POLRMT: variants seen among roughly 807,000 people sequenced by gnomAD.
The protein encoded by POLRMT is DNA-directed RNA polymerase, mitochondrial.
In POLRMT, 114 loss-of-function variants were observed where a neutral mutation model predicts 132.2. That is an observed-to-expected ratio of 0.86 (90% CI 0.74 to 1.01). POLRMT has a LOEUF of 1.01. POLRMT is among the 50% of genes least tolerant of loss of function. The pLI is 0.00. For synonymous variants in POLRMT, 1,020 were observed against 773.4 expected (o/e 1.32, Z -5.29); for missense variants, 2,003 against 1,729.1 (o/e 1.16, Z -2.81).
At position 618,845 on chromosome 19, in the gene POLRMT, G is replaced by A. The variant is rs185265058; in HGVS notation, c.3268-85C>T. 324 of 1,465,074 alleles carry A rather than the reference G, an allele frequency of 2.2e-4. 1 individual carries two copies. Among genetic ancestry groups the A allele is most frequent in the African/African-American group, 1.9e-3 (132 of 71,326 alleles). 90.8% of individuals were successfully genotyped at this position (1,465,074 alleles called of 1,614,324 possible). Reference sequence around the variant, plus strand: ...GAGGTGGTGGTACACTGGGGTAGTGGCACGCTAGGATGGTGGCACACTGGC... The same window carrying A: ...GAGGTGGTGGTACACTGGGGTAGTGACACGCTAGGATGGTGGCACACTGGC... On this transcript the variant is annotated intron_variant, in intron 15 of 20. Coordinates refer to ENST00000588649, the MANE Select transcript of POLRMT (RefSeq NM_005035.4).
intron 2 of POLRMT, among the ~76,000 whole-genome samples, chr19:630,776 C>A (rs1451842730): frequency 6.6e-6 from 1 of 152,244 alleles, no homozygotes; most frequent in Admixed American, 6.5e-5. Flanking sequence ...AGGGAAAACG[C>A]GGCTCCTGCT....
chr19:632,232 G>A (rs1043336410), intron 2 of POLRMT, among the ~76,000 whole-genome samples: 2 of 149,680 alleles, frequency 1.3e-5, no homozygotes, highest in Non-Finnish European at 3.0e-5. Flanking sequence ...ACCGCACCTG[G>A]CCAGGTTTTT....
At chr19:618,894 GCGGTGGT>G in intron 15 of POLRMT, 96 bp downstream of exon 15, 1 of 1,355,284 alleles carries the variant, frequency 7.4e-7, no homozygotes, top group Non-Finnish European at 1.0e-6. Flanking sequence ...GCACACTGGG[GCGGTGGT>G]ACACTGGGGT....
In POLRMT at chr19:630,284, A is replaced by G. The variant is rs369023874; in HGVS notation, c.194-116T>C. 34 of 1,246,098 alleles carry G rather than the reference A, an allele frequency of 2.7e-5. No homozygotes were observed. In the East Asian group the frequency reaches 4.8e-4, roughly 18 times the overall value. 77.2% of individuals were successfully genotyped at this position (1,246,098 alleles called of 1,614,324 possible). ...AGGTGGCTGAGCTCGCTGGGACCCA[A>G]GGCGTGAATTCCTCATACTTGCCAA... On this transcript the variant is annotated intron_variant, in intron 2 of 20. Transcript: ENST00000588649.
At position 617,850 on chromosome 19, in the gene POLRMT, C is replaced by A. The variant is rs1456401899; in HGVS notation, c.3423-1G>T. 1 of 1,612,944 alleles carries A rather than the reference C, an allele frequency of 6.2e-7. No homozygotes were observed. Among genetic ancestry groups the A allele is most frequent in the African/African-American group, 1.3e-5 (1 of 74,896 alleles). On this transcript the variant is annotated splice_acceptor_variant, in intron 17 of 20. Coordinates refer to ENST00000588649, the MANE Select transcript of POLRMT (RefSeq NM_005035.4). LOFTEE classifies it high-confidence loss of function. The stretch of plus-strand genomic sequence containing the variant: ...CACAGAGACGAAGGTCAGGCCCTTC[C>A]TGTGGCAGAGCGGAGGACTCCTGAA...
chr19:624,499 G>T (rs916345356), intron 5 of POLRMT, among the ~76,000 whole-genome samples: 9 of 152,000 alleles, frequency 5.9e-5, no homozygotes, highest in African/African-American at 1.2e-4. Context: ...CTCTCTCTGC[G>T]GCCCCCGACC....
rs753535260 is a variant in POLRMT at position 617,259 on chromosome 19, A to C, written c.*15T>G. ...AAAAGAGCTTTATTTACACACTGAC[A>C]AGGCTCACGGGGTGTCAGCTGAAGA... is the stretch of plus-strand genomic sequence containing the variant. On this transcript the variant is annotated 3_prime_UTR_variant, in exon 21 of 21. Coordinates refer to ENST00000588649, the MANE Select transcript of POLRMT (RefSeq NM_005035.4). The C allele has an allele frequency of 6.2e-7, 1 of 1,612,462 alleles. No individual in the cohort carries two copies. The highest frequency in any genetic ancestry group is 8.5e-7 in the Non-Finnish European group (1 of 1,179,718).
At chr19:628,635 G>GC (rs374767814) in intron 3 of POLRMT, among the ~76,000 whole-genome samples, 14 of 143,272 alleles carry the variant, frequency 9.8e-5, no homozygotes, top group African/African-American at 1.8e-4. Context: ...GGATCATGGG[G>GC]GGGGAGAAAG....
intron 2 of POLRMT, among the ~76,000 whole-genome samples, chr19:631,260 C>T (rs1410988501): frequency 6.6e-6 from 1 of 150,384 alleles, no homozygotes; most frequent in Non-Finnish European, 1.5e-5. Context: ...CCTAGGAGTT[C>T]CTGGCTGCTG....
chr19:620,278 A>T, intron 11 of POLRMT, 87 bp downstream of exon 11: 2 of 1,463,546 alleles, frequency 1.4e-6, no homozygotes, highest in Non-Finnish European at 1.8e-6. Flanking sequence ...GAATACCACG[A>T]GCGAAGGTGA....
At chr19:631,529 C>T (rs989578046) in intron 2 of POLRMT, among the ~76,000 whole-genome samples, 1 of 152,026 alleles carries the variant, frequency 6.6e-6, no homozygotes, top group East Asian at 1.9e-4. Flanking sequence ...GTTCCAGCTA[C>T]TCGGGAGGTT....
chr19:619,861 C>A (rs927130474), intron 12 of POLRMT, 96 bp from the exon 13 acceptor site: 10 of 1,575,322 alleles, frequency 6.3e-6, no homozygotes, highest in Non-Finnish European at 8.6e-6. Context: ...CCCACCACAT[C>A]CTCAGGACAG....
chr19:618,859 T>C (rs1984244957), intron 15 of POLRMT, 99 bp from the exon 16 acceptor site: 1 of 1,421,058 alleles, frequency 7.0e-7, no homozygotes, highest in Admixed American at 2.0e-5. Context: ...GCTAGGATGG[T>C]GGCACACTGG....
intron 5 of POLRMT, among the ~76,000 whole-genome samples, chr19:623,808 C>A (rs1038261127): frequency 2.0e-5 from 3 of 152,196 alleles, no homozygotes; most frequent in Admixed American, 2.0e-4. Flanking sequence ...CTCGACCCCT[C>A]TAGAAGGGAC....
In POLRMT at chr19:618,700, C is replaced by T. The variant is rs779942628; in HGVS notation, c.3323+5G>A. The T allele has an allele frequency of 1.2e-6, 2 of 1,606,950 alleles. No individual in the cohort carries two copies. Among genetic ancestry groups the T allele is most frequent in the Non-Finnish European group, 1.7e-6 (2 of 1,177,058 alleles). ...GCCAGGCCCCAGCCCGGGCCCCCCA[C>T]TCACCGGCTGATGTCTCCGTTGTGG... On this transcript the variant is annotated splice_donor_5th_base_variant and intron_variant, in intron 16 of 20. Coordinates refer to ENST00000588649, the MANE Select transcript of POLRMT (RefSeq NM_005035.4).
chr19:617,752 A>T, intron 18 of POLRMT, 25 bp downstream of exon 18: 1 of 1,612,494 alleles, frequency 6.2e-7, no homozygotes, highest in South Asian at 1.1e-5. Flanking sequence ...CCATGGGTGG[A>T]CTGAGGCTCA....
intron 3 of POLRMT, among the ~76,000 whole-genome samples, chr19:629,053 A>G (rs1234110997): frequency 6.6e-6 from 1 of 152,180 alleles, no homozygotes; most frequent in East Asian, 1.9e-4. Context: ...AAATTGGAAA[A>G]TACTCCAGAT....
chr19:632,767 T>C (rs1985516903), intron 2 of POLRMT, 67 bp downstream of exon 2: 3 of 1,360,904 alleles, frequency 2.2e-6, no homozygotes, highest in African/African-American at 1.5e-5. Flanking sequence ...ATCTGAGCCT[T>C]TGCCTTTTCT....
Position 621,379 on chromosome 19 carries a change from G to T in POLRMT, c.2319C>A (p.His773Gln), listed in dbSNP as rs764929279. The change falls in exon 10 of 21, where the codon CAC becomes CAA. Residue 773 changes from histidine to glutamine, a missense_variant. His to Gln is a conservative substitution (Grantham distance 24, BLOSUM62 0). Transcript: ENST00000588649. Reference sequence around the variant, plus strand: ...GGTACAGCGCCTCCGCCCGCAGGCTGTGCATCTCCCGGGCCACCTTCTGGC... The same window carrying T: ...GGTACAGCGCCTCCGCCCGCAGGCTTTGCATCTCCCGGGCCACCTTCTGGC... ...AHCQKVAREMHSLRAEALYRL... is the reference protein window; with the variant it reads ...AHCQKVAREMQSLRAEALYRL... The T allele has an allele frequency of 1.3e-6, 2 of 1,551,172 alleles. No homozygotes were observed. Among genetic ancestry groups the T allele is most frequent in the East Asian group, 4.7e-5 (2 of 42,392 alleles).
Sources: gnomAD v4.1 joint callset for allele counts (sites outside exome capture counted in the v4.1 genomes callset) on GRCh38, gnomAD v4.1.1 for gene constraint, MANE v1.5 for transcripts, NCBI Gene and HGNC (gene_info 2026-07-23, HGNC 2026-07-21) for gene names.